The following CEP128 variants were observed in gnomAD, a reference collection of about 807,000 sequenced individuals.
CEP128 encodes centrosomal protein 128kDa.
A neutral mutation model predicts 156.7 loss-of-function variants in CEP128; 132 were observed. The observed-to-expected ratio is 0.84, with a 90% confidence interval of 0.73 to 0.97. CEP128 has a LOEUF of 0.97. Among genes scored for constraint, CEP128 ranks in the 50% least tolerant of loss-of-function variants. The pLI is 0.00. For synonymous variants in CEP128, 469 were observed against 448.9 expected (o/e 1.04, Z -0.57); for missense variants, 1,252 against 1,281.9 (o/e 0.98, Z 0.36).
intron 19 of CEP128, among the ~76,000 whole-genome samples, chr14:80,712,307 T>A: frequency 1.3e-5 from 2 of 152,170 alleles, no homozygotes. Context: ...CAGGCTGTCC[T>A]TACTATTGTC....
intron 19 of CEP128, among the ~76,000 whole-genome samples, chr14:80,701,609 G>A (rs1457332239): frequency 6.6e-6 from 1 of 152,096 alleles, no homozygotes; most frequent in Non-Finnish European, 1.5e-5. Flanking sequence ...AGCTTTCTTG[G>A]CCCAAGACAG....
At chr14:80,939,255 A>G (rs751190979) in intron 2 of CEP128, 130 bp downstream of exon 2, 8 of 152,180 alleles carry the variant, frequency 5.3e-5, no homozygotes, top group Non-Finnish European at 1.2e-4. Context: ...ATCATTCGAT[A>G]TTTTATTTTT....
intron 13 of CEP128, among the ~76,000 whole-genome samples, chr14:80,813,180 C>A (rs1359766669): frequency 2.2e-4 from 33 of 152,092 alleles, no homozygotes; most frequent in Admixed American, 2.2e-3. Flanking sequence ...TCTGTTTACT[C>A]CGTTGATAGT....
chr14:80,559,005 T>C (rs1890557002), intron 21 of CEP128, among the ~76,000 whole-genome samples: 1 of 152,212 alleles, frequency 6.6e-6, no homozygotes, highest in Non-Finnish European at 1.5e-5. Flanking sequence ...TTGACTATAT[T>C]TAATATATTT....
chr14:80,949,501 G>A (rs2139656215), intron 2 of CEP128, among the ~76,000 whole-genome samples: 1 of 152,206 alleles, frequency 6.6e-6, no homozygotes, highest in South Asian at 2.1e-4. Context: ...AGGTAAAATT[G>A]TCTGTTGCTC....
intron 19 of CEP128, among the ~76,000 whole-genome samples, chr14:80,697,961 T>C (rs1184056173): frequency 6.6e-6 from 1 of 151,926 alleles, no homozygotes; most frequent in African/African-American, 2.4e-5. Flanking sequence ...AAAAATTCTT[T>C]CAGAAATTTT....
At chr14:80,531,361 G>A (rs544591838) in intron 21 of CEP128, among the ~76,000 whole-genome samples, 62 of 152,296 alleles carry the variant, frequency 4.1e-4, no homozygotes, top group South Asian at 1.9e-3. Flanking sequence ...AAAAGGGAAA[G>A]AGGAGTGGTT....
At chr14:80,937,689 A>G (rs1406907494) in intron 2 of CEP128, among the ~76,000 whole-genome samples, 1 of 152,196 alleles carries the variant, frequency 6.6e-6, no homozygotes, top group African/African-American at 2.4e-5. Context: ...AAAGAAAAAC[A>G]TACTATACAA....
At chr14:80,779,048 C>T (rs1744452394) in intron 15 of CEP128, among the ~76,000 whole-genome samples, 1 of 152,276 alleles carries the variant, frequency 6.6e-6, no homozygotes, top group African/African-American at 2.4e-5. Context: ...CTTTCAACTA[C>T]GCCACACTTC....
At chr14:80,773,230 A>G (rs1722208770) in intron 16 of CEP128, among the ~76,000 whole-genome samples, 2 of 152,150 alleles carry the variant, frequency 1.3e-5, no homozygotes, top group Admixed American at 1.3e-4. Context: ...TTATTCCTTC[A>G]CTAATACTGG....
At position 80,526,941 on chromosome 14, in the gene CEP128, G is replaced by A; in HGVS notation, c.3000C>T (p.Ser1000=). Residue 1000 remains serine (S), a synonymous_variant, in exon 23 of 25, where the codon TCC becomes TCT. Coordinates refer to ENST00000555265, the MANE Select transcript of CEP128 (RefSeq NM_152446.5). ...GAGAATTTCTGCGAACCCTGTATTTGGAATATCTTCCATCAGTTCTCTCAG... is the reference window on the plus strand; with the variant it reads ...GAGAATTTCTGCGAACCCTGTATTTAGAATATCTTCCATCAGTTCTCTCAG... The part of the protein sequence containing the change: ...SSSERTDGRY[S]KYRVRRNSLQ... 1 of 1,608,368 alleles carries A rather than the reference G, an allele frequency of 6.2e-7. No individual in the cohort carries two copies. The highest frequency in any genetic ancestry group is 1.7e-5 in the Admixed American group (1 of 59,862).
At chr14:80,487,530 T>C (rs1169093079), downstream of CEP128, among the ~76,000 whole-genome samples, 2 of 152,166 alleles carry the variant, frequency 1.3e-5, no homozygotes, top group Non-Finnish European at 2.9e-5. Context: ...GTGGACCTAA[T>C]AGACATCTGC....
At chr14:80,783,015 C>T (rs1901208705) in intron 15 of CEP128, among the ~76,000 whole-genome samples, 1 of 152,098 alleles carries the variant, frequency 6.6e-6, no homozygotes, top group African/African-American at 2.4e-5. Context: ...TATGAACTAC[C>T]ACCCAAGAGT....
chr14:80,597,966 A>AAAC (rs1555379728), intron 19 of CEP128, among the ~76,000 whole-genome samples: 1 of 144,856 alleles, frequency 6.9e-6, no homozygotes, highest in African/African-American at 2.5e-5. Flanking sequence ...AAAAAAAAAA[A>AAAC]AAAACAAAAC....
At chr14:80,722,553 C>T (rs979839225) in intron 19 of CEP128, among the ~76,000 whole-genome samples, 6 of 150,986 alleles carry the variant, frequency 4.0e-5, no homozygotes, top group Non-Finnish European at 7.4e-5. Context: ...ATAAATGTAA[C>T]ATGTATCATT....
At chr14:80,596,561 A>T (rs1892328227) in intron 19 of CEP128, among the ~76,000 whole-genome samples, 1 of 152,012 alleles carries the variant, frequency 6.6e-6, no homozygotes, top group Non-Finnish European at 1.5e-5. Flanking sequence ...GTGATCCCAG[A>T]GCTTTGGGAG....
intron 14 of CEP128, 82 bp from the exon 15 acceptor site, chr14:80,785,627 C>A: frequency 1.0e-6 from 1 of 994,842 alleles, no homozygotes; most frequent in Non-Finnish European, 1.4e-6. Context: ...GTCAGCAAAA[C>A]AATGTTTAAC....
chr14:80,880,292 AAAACTGTCAACAGTTTAG>A (rs1888470316), intron 8 of CEP128, among the ~76,000 whole-genome samples: 1 of 152,180 alleles, frequency 6.6e-6, no homozygotes, highest in African/African-American at 2.4e-5. Context: ...TTTCTTGATA[AAAACTGTCAACAGTTTAG>A]GCATATAAGG....
At chr14:80,557,813 A>G (rs1174434573) in intron 21 of CEP128, among the ~76,000 whole-genome samples, 3 of 152,154 alleles carry the variant, frequency 2.0e-5, no homozygotes, top group Non-Finnish European at 4.4e-5. Context: ...CTTATTATCT[A>G]AAGATTTTTT....
Sources: gnomAD v4.1 joint callset for allele counts (sites outside exome capture counted in the v4.1 genomes callset) on GRCh38, gnomAD v4.1.1 for gene constraint, MANE v1.5 for transcripts, NCBI Gene and HGNC (gene_info 2026-07-23, HGNC 2026-07-21) for gene names.